PGBD2: variants seen among roughly 807,000 people sequenced by gnomAD.
PGBD2 encodes piggyBac transposable element derived 2, also known as piggyBac transposable element-derived protein 2.
In PGBD2, 6 loss-of-function variants were observed where a neutral mutation model predicts 8.1. The ratio of observed to expected loss-of-function variants is 0.74; its 90% CI spans 0.40 to 1.46. The LOEUF is 1.46. Among genes scored for constraint, PGBD2 ranks in the 40% most tolerant of loss-of-function variants. The pLI is 0.02. For synonymous variants in PGBD2, 318 were observed against 272.2 expected, an observed-to-expected ratio of 1.17 and a Z score of -1.66; for missense variants, 802 against 739.0, an observed-to-expected ratio of 1.09 and a Z score of -0.99.
At chr1:248,886,638 C>T in the PGBD2 span, among the ~76,000 whole-genome samples, 1 of 152,220 alleles carries the variant, frequency 6.6e-6, no homozygotes, top group Non-Finnish European at 1.5e-5. Flanking sequence ...CCCTTAGACT[C>T]ATCCTGGACT....
chr1:248,922,577 G>T (rs1662308952), downstream of PGBD2, among the ~76,000 whole-genome samples: 1 of 152,148 alleles, frequency 6.6e-6, no homozygotes, highest in Non-Finnish European at 1.5e-5. Flanking sequence ...CATTCAGTAT[G>T]ATATTGGCTA....
chr1:248,922,252 G>T (rs1227103990), downstream of PGBD2, among the ~76,000 whole-genome samples: 5 of 151,908 alleles, frequency 3.3e-5, no homozygotes, highest in Non-Finnish European at 7.4e-5. Flanking sequence ...GTAGAGACGG[G>T]GTTTCACCGT....
At chr1:248,885,729 A>G in the PGBD2 span, among the ~76,000 whole-genome samples, 1 of 152,218 alleles carries the variant, frequency 6.6e-6, no homozygotes, top group Non-Finnish European at 1.5e-5. Context: ...TGACCATAAG[A>G]GAGGAATCAC....
At position 248,917,604 on chromosome 1, in the gene PGBD2, G is replaced by C. The variant is rs978375549; in HGVS notation, c.1020G>C (p.Glu340Asp). ...MVIKFVDALQ[E>D]RGFLPYHIFF... is the part of the protein sequence containing the mutation. Reference sequence around the variant, plus strand: ...TAAAATTTGTGGATGCGCTTCAGGAGCGTGGTTTTCTGCCATATCACATAT... The same window carrying C: ...TAAAATTTGTGGATGCGCTTCAGGACCGTGGTTTTCTGCCATATCACATAT... Residue 340 changes from glutamate to aspartate, a missense_variant, in exon 3 of 3, where the codon GAG becomes GAC. Transcript: ENST00000329291. The C allele has an allele frequency of 1.2e-6, 2 of 1,614,102 alleles. No individual in the cohort carries two copies. The highest frequency in any genetic ancestry group is 1.7e-6 in the Non-Finnish European group (2 of 1,180,044).
At chr1:248,873,155 T>C in the PGBD2 span, among the ~76,000 whole-genome samples, 1 of 151,704 alleles carries the variant, frequency 6.6e-6, no homozygotes, top group African/African-American at 2.4e-5. Context: ...GTATCTGGGC[T>C]CACAGGTAAC....
chr1:248,882,457 C>A, the PGBD2 span, among the ~76,000 whole-genome samples: 1 of 152,120 alleles, frequency 6.6e-6, no homozygotes, highest in Non-Finnish European at 1.5e-5. Context: ...AGATATTAAT[C>A]AGCAGTAACA....
the PGBD2 span, among the ~76,000 whole-genome samples, chr1:248,882,746 GACCGC>G: frequency 6.6e-6 from 1 of 152,176 alleles, no homozygotes; most frequent in South Asian, 2.1e-4. Context: ...AAACCTCCCT[GACCGC>G]ACGTCCATTC....
upstream of PGBD2, among the ~76,000 whole-genome samples, chr1:248,903,087 T>A (rs115575569): frequency 1.9e-3 from 293 of 152,210 alleles, 1 homozygote; most frequent in African/African-American, 6.7e-3. Context: ...GGTCTCAAAC[T>A]TCTGTGCTCA....
chr1:248,907,411 C>A (rs113875127), intron 1 of PGBD2, among the ~76,000 whole-genome samples: 1 of 152,142 alleles, frequency 6.6e-6, no homozygotes, highest in Non-Finnish European at 1.5e-5. Flanking sequence ...GCAGGCAGGA[C>A]ACAGTGGCCT....
At chr1:248,907,462 T>C (rs1050171949) in intron 1 of PGBD2, among the ~76,000 whole-genome samples, 3 of 152,208 alleles carry the variant, frequency 2.0e-5, no homozygotes, top group Non-Finnish European at 4.4e-5. Context: ...CTTTTACTAA[T>C]CCACCTCAGC....
chr1:248,913,091 C>T (rs774702504), intron 1 of PGBD2, among the ~76,000 whole-genome samples: 29 of 152,070 alleles, frequency 1.9e-4, no homozygotes, highest in Admixed American at 3.3e-4. Flanking sequence ...TGTGAGCCAC[C>T]GCGCCTGGCC....
the PGBD2 span, among the ~76,000 whole-genome samples, chr1:248,889,928 C>CTTTTCT: frequency 0.028 from 3,855 of 135,968 alleles, 213 homozygotes; most frequent in African/African-American, 0.1. Flanking sequence ...TTTTTCTTTT[C>CTTTTCT]TTTTTTTTTT....
chr1:248,875,324 A>AAAAAAAAAAG, the PGBD2 span, among the ~76,000 whole-genome samples: 1 of 149,354 alleles, frequency 6.7e-6, no homozygotes, highest in African/African-American at 2.5e-5. Context: ...AAAAAAAAAA[A>AAAAAAAAAAG]AAAAGAAAAG....
chr1:248,917,383 A>T lies in PGBD2; in HGVS notation c.799A>T (p.Ser267Cys). 6.2e-7 allele frequency: 1 copy of T among 1,614,184 alleles called. No individual in the cohort carries two copies. Among genetic ancestry groups the T allele is most frequent in the Non-Finnish European group, 8.5e-7 (1 of 1,180,030 alleles). Residue 267 changes from serine to cysteine, a missense_variant, in exon 3 of 3, where the codon AGC becomes TGC. Physicochemically the swap from Ser to Cys is moderately radical, Grantham distance 112. Transcript: ENST00000329291. ...QKHAPLEEFY[S>C]FGESMCEYFG... Reference sequence around the variant, plus strand: ...GCATGCACCCTTGGAAGAGTTCTACAGCTTTGGCGAGTCTATGTGTGAGTA... The same window carrying T: ...GCATGCACCCTTGGAAGAGTTCTACTGCTTTGGCGAGTCTATGTGTGAGTA...
chr1:248,929,888 C>G, the PGBD2 span, among the ~76,000 whole-genome samples: 1 of 152,146 alleles, frequency 6.6e-6, no homozygotes, highest in Non-Finnish European at 1.5e-5. Flanking sequence ...GGGTCAAGGA[C>G]TCTGTCCATT....
chr1:248,886,143 C>T, the PGBD2 span, among the ~76,000 whole-genome samples: 1 of 151,938 alleles, frequency 6.6e-6, no homozygotes, highest in Non-Finnish European at 1.5e-5. Flanking sequence ...CATGTCCAAA[C>T]GAGGAAAGTG....
the PGBD2 span, among the ~76,000 whole-genome samples, chr1:248,878,266 G>A: frequency 1.3e-5 from 2 of 151,232 alleles, no homozygotes; most frequent in East Asian, 3.9e-4. Flanking sequence ...TGCAAGCTCC[G>A]CCTCCCGAGT....
intron 1 of PGBD2, among the ~76,000 whole-genome samples, chr1:248,907,485 C>T (rs896478790): frequency 2.6e-5 from 4 of 152,204 alleles, no homozygotes; most frequent in African/African-American, 7.2e-5. Context: ...AGACGGGTGT[C>T]GGGCTGGGGG....
At chr1:248,907,216 G>T (rs1661682039) in intron 1 of PGBD2, among the ~76,000 whole-genome samples, 2 of 152,232 alleles carry the variant, frequency 1.3e-5, no homozygotes, top group Non-Finnish European at 2.9e-5. Context: ...GAGGTACTAT[G>T]CCTGGATGTG....
Sources: gnomAD v4.1 joint callset for allele counts (sites outside exome capture counted in the v4.1 genomes callset) on GRCh38, gnomAD v4.1.1 for gene constraint, MANE v1.5 for transcripts, NCBI Gene and HGNC (gene_info 2026-07-23, HGNC 2026-07-21) for gene names.